CTIF: variants seen among roughly 807,000 people sequenced by gnomAD.
CTIF encodes CBP80/20-dependent translation initiation factor.
CTIF carries 21 observed loss-of-function variants against 66.0 expected under a neutral mutation model. The observed-to-expected ratio is 0.32, with a 90% CI of 0.23 to 0.46. The LOEUF (loss-of-function observed/expected upper bound fraction) is 0.46. Among genes scored for constraint, CTIF ranks in the 20% least tolerant of loss-of-function variants. The pLI, the probability that CTIF is intolerant of heterozygous loss-of-function variation, is 1.00. For synonymous variants in CTIF, 345 were observed against 326.4 expected, an observed-to-expected ratio of 1.06 and a Z score of -0.62; for missense variants, 739 against 812.7, an observed-to-expected ratio of 0.91 and a Z score of 1.10.
chr18:48,661,187 T>G (rs996491323), intron 3 of CTIF, among the ~76,000 whole-genome samples: 1 of 152,144 alleles, frequency 6.6e-6, no homozygotes, highest in African/African-American at 2.4e-5. Context: ...CTAACATTCA[T>G]GTAAGAGAGC....
At chr18:48,688,567 A>G (rs1277794600) in intron 6 of CTIF, 3 of 152,204 alleles carry the variant, frequency 2.0e-5, no homozygotes, top group African/African-American at 7.2e-5. Flanking sequence ...TCACCATTCT[A>G]AACCATCCTA....
intron 3 of CTIF, among the ~76,000 whole-genome samples, chr18:48,647,845 C>T (rs2091076475): frequency 6.6e-6 from 1 of 152,114 alleles, no homozygotes; most frequent in South Asian, 2.1e-4. Context: ...CCTCTCCTGT[C>T]ATGACCTTCT....
At chr18:48,566,018 A>C (rs1270263408) in intron 1 of CTIF, 1 of 152,192 alleles carries the variant, frequency 6.6e-6, no homozygotes, top group East Asian at 1.9e-4. Flanking sequence ...TTTGCAGGGC[A>C]CAGCACCCTT....
intron 1 of CTIF, among the ~76,000 whole-genome samples, chr18:48,570,073 G>A (rs988927441): frequency 6.6e-6 from 1 of 152,174 alleles, no homozygotes; most frequent in African/African-American, 2.4e-5. Context: ...ACGTGGCCAC[G>A]TTGATTGGTT....
At chr18:48,603,004 AATGGGTAGATGAATAG>A (rs1206899405) in intron 1 of CTIF, among the ~76,000 whole-genome samples, 17 of 142,920 alleles carry the variant, frequency 1.2e-4, no homozygotes, top group African/African-American at 4.2e-4. Context: ...TGGATGAATG[AATGGGTAGATGAATAG>A]ATGGGTGGAT....
At chr18:48,762,470 A>T (rs1909101248) in intron 9 of CTIF, among the ~76,000 whole-genome samples, 1 of 152,238 alleles carries the variant, frequency 6.6e-6, no homozygotes, top group Non-Finnish European at 1.5e-5. Flanking sequence ...AGGGAGAGAT[A>T]GCAGGGTCAT....
intron 10 of CTIF, among the ~76,000 whole-genome samples, chr18:48,850,320 C>A (rs1300384983): frequency 6.6e-6 from 1 of 152,208 alleles, no homozygotes; most frequent in Non-Finnish European, 1.5e-5. Flanking sequence ...CTGCTGGGAA[C>A]ATGAGTGTCC....
chr18:48,603,587 GTGGA>G (rs1324108872), intron 1 of CTIF, among the ~76,000 whole-genome samples: 1 of 145,002 alleles, frequency 6.9e-6, no homozygotes, highest in Non-Finnish European at 1.5e-5. Context: ...GGCTGGCTGG[GTGGA>G]TAGATGGATG....
chr18:48,635,693 C>T (rs996257125), intron 2 of CTIF, among the ~76,000 whole-genome samples: 1 of 152,098 alleles, frequency 6.6e-6, no homozygotes, highest in African/African-American at 2.4e-5. Context: ...CCGGAGGCTA[C>T]CTAATGTTTA....
chr18:48,853,228 CA>C (rs777013746), intron 10 of CTIF, among the ~76,000 whole-genome samples: 16 of 152,100 alleles, frequency 1.1e-4, no homozygotes, highest in Non-Finnish European at 1.9e-4. Flanking sequence ...GGGCAATAGG[CA>C]AACAAGTATA....
chr18:48,553,571 C>T (rs2088941860), intron 1 of CTIF, among the ~76,000 whole-genome samples: 1 of 152,182 alleles, frequency 6.6e-6, no homozygotes, highest in Non-Finnish European at 1.5e-5. Flanking sequence ...ATTTTACTCA[C>T]CTCATTAGAA....
intron 1 of CTIF, among the ~76,000 whole-genome samples, chr18:48,589,648 C>G (rs1466542569): frequency 1.3e-5 from 2 of 152,230 alleles, no homozygotes; most frequent in Non-Finnish European, 1.5e-5. Context: ...GTGGGTCACA[C>G]TGGTTCACCT....
intron 7 of CTIF, among the ~76,000 whole-genome samples, chr18:48,731,159 C>G (rs1394477824): frequency 6.6e-6 from 1 of 152,024 alleles, no homozygotes; most frequent in African/African-American, 2.4e-5. Context: ...ATCTGGGGCT[C>G]AGAGAGGCAG....
At chr18:48,622,250 G>T (rs2090508816) in intron 2 of CTIF, among the ~76,000 whole-genome samples, 1 of 152,134 alleles carries the variant, frequency 6.6e-6, no homozygotes, top group South Asian at 2.1e-4. Context: ...TTGTAATCCT[G>T]GTAGCAAAGA....
At position 48,636,665 on chromosome 18, in the gene CTIF, G is replaced by C; in HGVS notation, c.232G>C (p.Gly78Arg). Reference sequence around the variant, plus strand: ...GGACAGCAGCTGTTCCTTCTCCCGAGGGCGAGCCCCCCCACAGCAGGTAGG... The same window carrying C: ...GGACAGCAGCTGTTCCTTCTCCCGACGGCGAGCCCCCCCACAGCAGGTAGG... ...PLDSSCSFSR[G>R]RAPPQQNGSK... The change falls in exon 3 of 12, where the codon GGG becomes CGG. Residue 78 changes from glycine (G) to arginine (R), a missense_variant. This residue lies in a region of CTIF where 529 missense variants were observed against 520.3 expected (regional missense o/e 1.02). Transcript: ENST00000256413. The C allele has an allele frequency of 6.2e-7, 1 of 1,601,198 alleles. No homozygotes were observed. The highest frequency in any genetic ancestry group is 1.1e-5 in the South Asian group (1 of 88,762).
intron 1 of CTIF, among the ~76,000 whole-genome samples, chr18:48,615,382 C>G (rs184962725): frequency 6.6e-6 from 1 of 152,194 alleles, no homozygotes. Flanking sequence ...TTTGCATGTT[C>G]CCCGCTTTTC....
chr18:48,647,175 A>G (rs2091055902), intron 3 of CTIF, among the ~76,000 whole-genome samples: 1 of 152,202 alleles, frequency 6.6e-6, no homozygotes, highest in Admixed American at 6.5e-5. Context: ...AATCATGCTG[A>G]GTGATTTTCA....
chr18:48,730,498 C>T lies in CTIF; in HGVS notation c.584+18803C>T, dbSNP rs1320115211. ...GCTTCCGCGGTGTGAGGGGCTTCTG[C>T]GGTGTGAGGGGCTTCTGCGGTGTGA... On this transcript the variant is annotated intron_variant, in intron 7 of 11. Transcript: ENST00000256413. Among the ~76,000 whole-genome samples, 37 of 84,792 alleles carry T rather than the reference C, an allele frequency of 4.4e-4. 1 individual carries two copies. The highest frequency in any genetic ancestry group is 1.3e-3 in the African/African-American group (30 of 23,530). The allele number at this position is 84,792 out of a possible 152,430, so 55.6% of individuals were successfully genotyped here.
intron 1 of CTIF, among the ~76,000 whole-genome samples, chr18:48,555,001 T>G (rs1250528964): frequency 6.6e-6 from 1 of 152,252 alleles, no homozygotes; most frequent in East Asian, 1.9e-4. Context: ...GTGCCAAATC[T>G]TCTTTTGGAG....
Sources: allele counts gnomAD v4.1 joint callset (sites outside exome capture counted in the v4.1 genomes callset), GRCh38; gene constraint gnomAD v4.1.1; regional missense constraint gnomAD v4.1.1; transcripts MANE v1.5; gene names NCBI Gene and HGNC (gene_info 2026-07-23, HGNC 2026-07-21).